DYNLT2B: variants seen among roughly 807,000 people sequenced by gnomAD.
The protein encoded by DYNLT2B is dynein light chain Tctex-type protein 2B.
A neutral mutation model predicts 19.5 loss-of-function variants in DYNLT2B; 14 were observed. The observed-to-expected ratio is 0.72, with a 90% confidence interval of 0.47 to 1.12. The LOEUF (loss-of-function observed/expected upper bound fraction) is 1.12. Ranked by LOEUF, DYNLT2B falls within the 50% of genes most tolerant of loss-of-function variation. The pLI, the probability that DYNLT2B is intolerant of heterozygous loss-of-function variation, is 0.00. For missense variants in DYNLT2B, 133 were observed against 174.7 expected (o/e 0.76, Z 1.35); for synonymous variants, 70 against 59.7 (o/e 1.17, Z -0.79).
intron 3 of DYNLT2B, among the ~76,000 whole-genome samples, chr3:196,299,519 A>G (rs1293952971): frequency 2.0e-5 from 3 of 152,174 alleles, no homozygotes; most frequent in Non-Finnish European, 4.4e-5. Context: ...CACTGTGCCC[A>G]GCAGAGTCGG....
intron 4 of DYNLT2B, among the ~76,000 whole-genome samples, chr3:196,293,204 T>A (rs1341251383): frequency 6.6e-6 from 1 of 152,198 alleles, no homozygotes; most frequent in Non-Finnish European, 1.5e-5. Flanking sequence ...TGGCCCCCAC[T>A]GGATGTTAAT....
intron 4 of DYNLT2B, among the ~76,000 whole-genome samples, chr3:196,294,296 G>A (rs1347277502): frequency 1.3e-5 from 2 of 152,154 alleles, no homozygotes; most frequent in Admixed American, 1.3e-4. Context: ...GTGGTGAGCT[G>A]AGATTGTGCC....
intron 3 of DYNLT2B, among the ~76,000 whole-genome samples, chr3:196,296,678 A>G (rs1248688019): frequency 6.6e-6 from 1 of 152,230 alleles, no homozygotes; most frequent in African/African-American, 2.4e-5. Flanking sequence ...GGTATTTCTC[A>G]GGATCTGGGA....
chr3:196,315,266 C>CTT (rs34104361), intron 2 of DYNLT2B: 274 of 374,262 alleles, frequency 7.3e-4, no homozygotes, highest in African/African-American at 1.1e-3. Context: ...TTTTATTTTG[C>CTT]TTTTTTTTTT....
At chr3:196,308,006 G>C (rs1200430269) in intron 2 of DYNLT2B, among the ~76,000 whole-genome samples, 1 of 151,106 alleles carries the variant, frequency 6.6e-6, no homozygotes, top group South Asian at 2.1e-4. Context: ...GCTTGAACCT[G>C]GGAGGCGGAG....
chr3:196,301,767 G>C lies in DYNLT2B; in HGVS notation c.317+5176C>G, dbSNP rs576349594. Reference sequence around the variant, plus strand: ...TGACTAAAATGTAAAAATAGAGTGGGGAGGGTTAAAAAAGATTGAAGGATA... The same window carrying C: ...TGACTAAAATGTAAAAATAGAGTGGCGAGGGTTAAAAAAGATTGAAGGATA... On this transcript the variant is annotated intron_variant, in intron 3 of 4. Coordinates refer to ENST00000325318, the MANE Select transcript of DYNLT2B (RefSeq NM_152773.5). Among the ~76,000 whole-genome samples the C allele has an allele frequency of 1.8e-3, 267 of 151,530 alleles. 1 individual carries two copies. Among genetic ancestry groups the C allele is most frequent in the African/African-American group, 6.2e-3 (258 of 41,292 alleles).
chr3:196,313,041 G>A (rs1020787694), intron 2 of DYNLT2B, among the ~76,000 whole-genome samples: 34 of 152,126 alleles, frequency 2.2e-4, no homozygotes, highest in African/African-American at 7.0e-4. Flanking sequence ...ACTCAACAAT[G>A]AAAATGACAT....
intron 2 of DYNLT2B, among the ~76,000 whole-genome samples, chr3:196,313,408 A>G (rs1384814917): frequency 6.6e-6 from 1 of 151,782 alleles, no homozygotes; most frequent in Non-Finnish European, 1.5e-5. Context: ...GTTGGCCAGG[A>G]TGGTCTCGAA....
At chr3:196,310,933 A>G (rs1228112874) in intron 2 of DYNLT2B, among the ~76,000 whole-genome samples, 1 of 151,852 alleles carries the variant, frequency 6.6e-6, no homozygotes, top group Non-Finnish European at 1.5e-5. Flanking sequence ...ACGAGGTTTC[A>G]CCATGTTGCC....
chr3:196,309,252 A>C (rs1726569127), intron 2 of DYNLT2B, among the ~76,000 whole-genome samples: 1 of 152,006 alleles, frequency 6.6e-6, no homozygotes, highest in African/African-American at 2.4e-5. Flanking sequence ...CACCATCTCC[A>C]CAAAACAATT....
intron 2 of DYNLT2B, among the ~76,000 whole-genome samples, chr3:196,308,810 C>A (rs919856026): frequency 6.6e-6 from 1 of 152,140 alleles, no homozygotes; most frequent in Non-Finnish European, 1.5e-5. Context: ...TTTCTCTAAC[C>A]AATCCCAAAT....
At chr3:196,312,782 C>CAA (rs1726676908) in intron 2 of DYNLT2B, among the ~76,000 whole-genome samples, 1 of 152,116 alleles carries the variant, frequency 6.6e-6, no homozygotes, top group South Asian at 2.1e-4. Context: ...ACTTTAAAGG[C>CAA]AAAAGGCAGG....
At chr3:196,304,448 T>A (rs1202672463) in intron 3 of DYNLT2B, among the ~76,000 whole-genome samples, 1 of 152,078 alleles carries the variant, frequency 6.6e-6, no homozygotes, top group Admixed American at 6.6e-5. Flanking sequence ...CTGTTTTTTT[T>A]AAACAAAGGT....
chr3:196,300,596 G>A (rs1242725622), intron 3 of DYNLT2B, among the ~76,000 whole-genome samples: 2 of 151,714 alleles, frequency 1.3e-5, no homozygotes, highest in Non-Finnish European at 2.9e-5. Context: ...GGGCGTGGTG[G>A]CGTGCGTCTC....
At chr3:196,317,253 T>TTAATCCTAGC (rs1726870832) in intron 1 of DYNLT2B, among the ~76,000 whole-genome samples, 1 of 101,852 alleles carries the variant, frequency 9.8e-6, no homozygotes. Flanking sequence ...CCCGTGAGCC[T>TTAATCCTAGC]GACATTTTTT....
At chr3:196,314,848 AAAC>A (rs996860634) in intron 2 of DYNLT2B, among the ~76,000 whole-genome samples, 3 of 152,034 alleles carry the variant, frequency 2.0e-5, no homozygotes, top group Admixed American at 2.0e-4. Flanking sequence ...AAAAAAAACA[AAAC>A]AATCAGAGAG....
At chr3:196,310,666 G>A (rs933769626) in intron 2 of DYNLT2B, among the ~76,000 whole-genome samples, 4 of 150,708 alleles carry the variant, frequency 2.7e-5, no homozygotes, top group African/African-American at 9.8e-5. Flanking sequence ...GACCTCAAGT[G>A]ATCCACCTGC....
At chr3:196,310,734 G>T (rs1462583139) in intron 2 of DYNLT2B, among the ~76,000 whole-genome samples, 2 of 150,230 alleles carry the variant, frequency 1.3e-5, no homozygotes, top group African/African-American at 4.9e-5. Context: ...GGCCTGTTTT[G>T]TTTTGTTTTT....
At chr3:196,299,168 A>G (rs1407925076) in intron 3 of DYNLT2B, among the ~76,000 whole-genome samples, 1 of 149,208 alleles carries the variant, frequency 6.7e-6, no homozygotes, top group Non-Finnish European at 1.5e-5. Context: ...CACTGCAACC[A>G]CAACCTCCCG....
Sources: allele counts gnomAD v4.1 joint callset (sites outside exome capture counted in the v4.1 genomes callset), GRCh38; gene constraint gnomAD v4.1.1; transcripts MANE v1.5; gene names NCBI Gene and HGNC (gene_info 2026-07-23, HGNC 2026-07-21).